Variants in ANKRD24 observed in about 807,000 individuals in gnomAD.
The protein encoded by ANKRD24 is ankyrin repeat domain 24.
A neutral mutation model predicts 127.8 loss-of-function variants in ANKRD24; 109 were observed. That is an observed-to-expected ratio of 0.85 (90% CI 0.73 to 1.00). The LOEUF (loss-of-function observed/expected upper bound fraction) is 1.00. Ranked by LOEUF, ANKRD24 falls within the 50% of genes least tolerant of loss-of-function variation. ANKRD24 has a pLI of 0.00. For synonymous variants in ANKRD24, 743 were observed against 671.1 expected (o/e 1.11, Z -1.66); for missense variants, 1,648 against 1,570.2 (o/e 1.05, Z -0.84).
chr19:4,186,995 G>A (rs906489612), intron 2 of ANKRD24, among the ~76,000 whole-genome samples: 2 of 152,148 alleles, frequency 1.3e-5, no homozygotes, highest in African/African-American at 2.4e-5. Context: ...ATTTTGTGTC[G>A]CAAAGACAGA....
At chr19:4,220,972 T>C (rs10412229) in intron 19 of ANKRD24, among the ~76,000 whole-genome samples, 18,598 of 151,132 alleles carry the variant, frequency 0.12, 3,126 homozygotes, top group African/African-American at 0.38. Flanking sequence ...TCTCAGATCA[T>C]TGCAGCTTCG....
At chr19:4,216,512 A>G in intron 17 of ANKRD24, 38 bp from the exon 18 acceptor site, 1 of 1,570,572 alleles carries the variant, frequency 6.4e-7, no homozygotes, top group South Asian at 1.2e-5. Context: ...GGTCACATCA[A>G]CTCCTGCCAG....
rs1969530365 is a variant in ANKRD24 at position 4,208,708 on chromosome 19, AT to A, written c.833-55del. On this transcript the variant is annotated intron_variant, in intron 10 of 21. Transcript: ENST00000318934. ...CCCTACAAGTCCCTGGGGCCCACCA[AT>A]GCCCTTCCTGGGCCTGGGAACAGAA... is the stretch of plus-strand genomic sequence containing the variant. 1.0e-5 allele frequency: 16 copies of A among 1,574,062 alleles called. No homozygotes were observed. In the South Asian group the frequency reaches 1.8e-4, roughly 18 times the overall value.
chr19:4,219,762 G>T lies in ANKRD24; in HGVS notation c.3171+4G>T, dbSNP rs373195319. The T allele has an allele frequency of 7.2e-4, 1,144 of 1,596,330 alleles. 18 individuals carry two copies. In the South Asian group the frequency reaches 0.012, roughly 17 times the overall value. The stretch of plus-strand genomic sequence containing the variant: ...GGCCAAGGAGAAGGACAAGAAGGTG[G>T]GTGCCCCCTCTCCCACACTCAGTCA... On this transcript the variant is annotated splice_donor_region_variant and intron_variant, in intron 19 of 21. Transcript: ENST00000318934.
intron 2 of ANKRD24, among the ~76,000 whole-genome samples, chr19:4,196,016 G>C (rs1275668076): frequency 1.3e-5 from 2 of 152,218 alleles, no homozygotes; most frequent in East Asian, 1.9e-4. Flanking sequence ...CCAGTGTTGG[G>C]ATATCTGTGG....
chr19:4,210,021 A>G (rs775593602), intron 11 of ANKRD24, 37 bp from the exon 12 acceptor site: 84 of 1,370,838 alleles, frequency 6.1e-5, no homozygotes, highest in Non-Finnish European at 7.7e-5. Context: ...TGGCCCCCCG[A>G]TCGGCCCCCT....
chr19:4,195,372 C>A lies in ANKRD24; in HGVS notation c.37-4311C>A, dbSNP rs1007831983. On this transcript the variant is annotated intron_variant, in intron 2 of 21. Transcript: ENST00000318934. The surrounding 1 kb of genome is among the most constrained non-coding windows in gnomAD (Gnocchi z 4.2). ...GACAGGCGTGAGCCACCATGCCTGGCCATTTGCTCTGATCTTGTATGGCAT... is the reference window on the plus strand; with the variant it reads ...GACAGGCGTGAGCCACCATGCCTGGACATTTGCTCTGATCTTGTATGGCAT... Among the ~76,000 whole-genome samples, 1 of 152,128 alleles carries A rather than the reference C, an allele frequency of 6.6e-6. No homozygotes were observed. Among genetic ancestry groups the A allele is most frequent in the Non-Finnish European group, 1.5e-5 (1 of 68,002 alleles).
At chr19:4,210,771 T>TC (rs1969682109) in intron 13 of ANKRD24, among the ~76,000 whole-genome samples, 2 of 136,192 alleles carry the variant, frequency 1.5e-5, no homozygotes, top group African/African-American at 5.7e-5. Context: ...AATTGTAACA[T>TC]CACCCCCCAC....
chr19:4,188,240 G>A (rs1968178155), intron 2 of ANKRD24, among the ~76,000 whole-genome samples: 1 of 151,910 alleles, frequency 6.6e-6, no homozygotes, highest in South Asian at 2.1e-4. Context: ...ACCATGCCCA[G>A]CTAATTTTGT....
In ANKRD24 at chr19:4,207,498, C is replaced by T. The variant is rs1284462117; in HGVS notation, c.538-3C>T. 6 of 1,613,494 alleles carry T rather than the reference C, an allele frequency of 3.7e-6. No homozygotes were observed. Among genetic ancestry groups the T allele is most frequent in the Non-Finnish European group, 5.1e-6 (6 of 1,179,580 alleles). ...CCATCGCATCCCTCCTCCTCCCTAC[C>T]AGTCAGGCGCAACACCCCTCATTAT... is the stretch of plus-strand genomic sequence containing the variant. On this transcript the variant is annotated splice_polypyrimidine_tract_variant and splice_region_variant and intron_variant, in intron 8 of 21. Coordinates refer to ENST00000318934, the MANE Select transcript of ANKRD24 (RefSeq NM_001393985.1).
Position 4,217,688 on chromosome 19 carries a change from G to A in ANKRD24, c.2528G>A (p.Arg843Gln), listed in dbSNP as rs1286153253. 12 of 1,287,560 alleles carry A rather than the reference G, an allele frequency of 9.3e-6. No homozygotes were observed. The East Asian group carries it at 2.0e-4, about 22-fold the overall frequency. The allele number at this position is 1,287,560 out of a possible 1,614,324, so 79.8% of individuals were successfully genotyped here. Reference protein sequence around the residue: ...RAELAQREEARLEQSRELEVL... With the variant: ...RAELAQREEAQLEQSRELEVL... ...GAGCTGGCCCAGCGGGAGGAGGCGCGGCTGGAGCAGAGCCGGGAGCTGGAG... is the reference window on the plus strand; with the variant it reads ...GAGCTGGCCCAGCGGGAGGAGGCGCAGCTGGAGCAGAGCCGGGAGCTGGAG... Residue 843 changes from arginine (R) to glutamine (Q), a missense_variant, in exon 18 of 22, where the codon CGG (arginine) becomes CAG (glutamine). By Grantham distance (43) the Arg-to-Gln change is conservative. Coordinates refer to ENST00000318934, the MANE Select transcript of ANKRD24 (RefSeq NM_001393985.1).
chr19:4,202,022 C>G lies in ANKRD24; in HGVS notation c.344-4C>G, dbSNP rs1167212338. On this transcript the variant is annotated splice_polypyrimidine_tract_variant and splice_region_variant and intron_variant, in intron 5 of 21. Coordinates refer to ENST00000318934, the MANE Select transcript of ANKRD24 (RefSeq NM_001393985.1). ...GCTCCAGTAAATCTTCTTTCCTTCC[C>G]CAGGTTACAATGCCCTCCACCTGGC... 1 of 1,613,632 alleles carries G rather than the reference C, an allele frequency of 6.2e-7. No homozygotes were observed. The highest frequency in any genetic ancestry group is 8.5e-7 in the Non-Finnish European group (1 of 1,179,752).
At chr19:4,186,913 C>T (rs1396846309) in intron 2 of ANKRD24, among the ~76,000 whole-genome samples, 3 of 152,314 alleles carry the variant, frequency 2.0e-5, no homozygotes, top group Middle Eastern at 3.4e-3. Flanking sequence ...AGGCAAAAAT[C>T]CTTGCCCTCG....
intron 1 of ANKRD24, among the ~76,000 whole-genome samples, chr19:4,184,209 T>C (rs1302042116): frequency 2.6e-5 from 4 of 152,008 alleles, no homozygotes; most frequent in Non-Finnish European, 5.9e-5. Flanking sequence ...GGTGTCAGAG[T>C]GGAGCGGCTG....
Position 4,217,871 on chromosome 19 carries a change from A to T in ANKRD24, c.2711A>T (p.Glu904Val). 1 of 1,458,758 alleles carries T rather than the reference A, an allele frequency of 6.9e-7. No homozygotes were observed. Among genetic ancestry groups the T allele is most frequent in the Non-Finnish European group, 9.0e-7 (1 of 1,112,334 alleles). The allele number at this position is 1,458,758 out of a possible 1,614,324, so 90.4% of individuals were successfully genotyped here. A position where few individuals can be genotyped will look rare whatever the true frequency, so the allele number is the denominator to read the frequency against. The change falls in exon 18 of 22, where the codon GAG becomes GTG. Residue 904 changes from glutamate to valine, a missense_variant. Coordinates refer to ENST00000318934, the MANE Select transcript of ANKRD24 (RefSeq NM_001393985.1). ...CGGCAGGGCCTGGCCGAGCTGCGGG[A>T]GGCCTCCGAGGCCCTCCGCCAGTCC... ...EARQGLAELR[E>V]ASEALRQSVV...
At position 4,202,887 on chromosome 19, in the gene ANKRD24, G is replaced by A. The variant is rs373345352; in HGVS notation, c.427G>A (p.Val143Ile). 46 of 1,591,136 alleles carry A rather than the reference G, an allele frequency of 2.9e-5. No individual in the cohort carries two copies. Among genetic ancestry groups the A allele is most frequent in the Non-Finnish European group, 3.8e-5 (44 of 1,169,092 alleles). Residue 143 changes from valine to isoleucine, a missense_variant, in exon 7 of 22, where the codon GTC becomes ATC. By Grantham distance (29) the Val-to-Ile change is conservative (BLOSUM62 3). Coordinates refer to ENST00000318934, the MANE Select transcript of ANKRD24 (RefSeq NM_001393985.1). ...QLLQASCVVD[V>I]VDSSGWTALH... The stretch of plus-strand genomic sequence containing the variant: ...TCCCCAGGCTTCCTGCGTGGTGGAC[G>A]TCGTGGACAGCAGCGGGTGGACTGC...
chr19:4,221,435 G>T (rs1051014781), intron 19 of ANKRD24, among the ~76,000 whole-genome samples: 28 of 151,770 alleles, frequency 1.8e-4, no homozygotes, highest in Admixed American at 1.6e-3. Context: ...TCACCATATT[G>T]CCCAGGTTGG....
At chr19:4,213,525 G>A (rs1233102442) in intron 15 of ANKRD24, among the ~76,000 whole-genome samples, 1 of 140,002 alleles carries the variant, frequency 7.1e-6, no homozygotes, top group African/African-American at 2.7e-5. Context: ...GTGTGATCTC[G>A]GTTCACGGCA....
rs369517295 is a variant in ANKRD24 at position 4,217,083 on chromosome 19, G to A, written c.1923G>A (p.Glu641=). 2.5e-5 allele frequency: 41 copies of A among 1,613,716 alleles called. No individual in the cohort carries two copies. In the African/African-American group the frequency reaches 5.1e-4, roughly 20 times the overall value. ...ETTGVEAMGV[E]ATKTKAEEAE... is the part of the protein sequence containing the mutation. The stretch of plus-strand genomic sequence containing the variant: ...CGGGAGTGGAGGCCATGGGGGTGGA[G>A]GCCACAAAAACAAAAGCAGAGGAAG... The change falls in exon 18 of 22, where the codon GAG becomes GAA. Residue 641 remains glutamate (E), a synonymous_variant. Coordinates refer to ENST00000318934, the MANE Select transcript of ANKRD24 (RefSeq NM_001393985.1).
Sources: allele counts gnomAD v4.1 joint callset (sites outside exome capture counted in the v4.1 genomes callset), GRCh38; gene constraint gnomAD v4.1.1; non-coding constraint Gnocchi (gnomAD v3.1); transcripts MANE v1.5; gene names NCBI Gene and HGNC (gene_info 2026-07-23, HGNC 2026-07-21).